The following KCNN2 variants were observed in gnomAD, a reference collection of about 807,000 sequenced individuals.
The protein encoded by KCNN2 is small conductance calcium-activated potassium channel protein 2.
Under a neutral mutation model 55.5 loss-of-function variants are expected in KCNN2, and 24 were observed. That is an observed-to-expected ratio of 0.43 (90% CI 0.31 to 0.61). The LOEUF is 0.61. KCNN2 is among the 20% of genes least tolerant of loss of function. The pLI, the probability that KCNN2 is intolerant of heterozygous loss-of-function variation, is 0.08. For synonymous variants in KCNN2, 431 were observed against 336.1 expected, an observed-to-expected ratio of 1.28 and a Z score of -3.09; for missense variants, 754 against 853.6, an observed-to-expected ratio of 0.88 and a Z score of 1.45.
chr5:114,290,498 A>T (rs964871642), intron 2 of KCNN2, among the ~76,000 whole-genome samples: 2 of 151,968 alleles, frequency 1.3e-5, no homozygotes, highest in African/African-American at 4.8e-5. Context: ...TTCTTAGTCT[A>T]GCTAAAGCTT....
chr5:114,347,906 C>A (rs1359310764), intron 2 of KCNN2, among the ~76,000 whole-genome samples: 1 of 152,160 alleles, frequency 6.6e-6, no homozygotes, highest in Non-Finnish European at 1.5e-5. Context: ...AAGAGAGCCT[C>A]TCACTCCCTT....
intron 2 of KCNN2, among the ~76,000 whole-genome samples, chr5:114,340,796 A>G (rs1019580616): frequency 2.6e-5 from 4 of 152,110 alleles, no homozygotes; most frequent in African/African-American, 9.7e-5. Context: ...GAAATTATTC[A>G]TCCTGCAAAC....
At chr5:114,388,143 G>A (rs1758342526) in intron 2 of KCNN2, among the ~76,000 whole-genome samples, 1 of 152,084 alleles carries the variant, frequency 6.6e-6, no homozygotes, top group Admixed American at 6.6e-5. Flanking sequence ...TGTTTTGGAT[G>A]TATAGTTTGG....
intron 3 of KCNN2, among the ~76,000 whole-genome samples, chr5:114,426,545 A>G (rs1484259774): frequency 1.3e-5 from 2 of 152,174 alleles, no homozygotes; most frequent in Non-Finnish European, 2.9e-5. Flanking sequence ...TTTTTAAAGT[A>G]TTTGTGAAGA....
At chr5:114,168,978 C>T (rs1752975753) in intron 1 of KCNN2, among the ~76,000 whole-genome samples, 1 of 152,040 alleles carries the variant, frequency 6.6e-6, no homozygotes, top group Non-Finnish European at 1.5e-5. Flanking sequence ...AGATTCTGCC[C>T]TTGCTGTTCT....
chr5:114,334,723 A>G (rs915747175), intron 2 of KCNN2, among the ~76,000 whole-genome samples: 2 of 152,110 alleles, frequency 1.3e-5, no homozygotes, highest in Admixed American at 1.3e-4. Context: ...CTGAACACTA[A>G]AGTACTAATA....
At chr5:114,221,155 C>T (rs1317090396) in intron 1 of KCNN2, among the ~76,000 whole-genome samples, 1 of 152,182 alleles carries the variant, frequency 6.6e-6, no homozygotes, top group Non-Finnish European at 1.5e-5. Context: ...GAGTGAGTGT[C>T]CCATGGCCTG....
At chr5:114,171,679 C>CTTTT (rs61254407) in intron 1 of KCNN2, among the ~76,000 whole-genome samples, 1 of 147,434 alleles carries the variant, frequency 6.8e-6, no homozygotes, top group Admixed American at 6.8e-5. Flanking sequence ...TTCTTATATG[C>CTTTT]TTTTTTTTTT....
intron 2 of KCNN2, among the ~76,000 whole-genome samples, chr5:114,309,291 TA>T (rs1444706191): frequency 6.6e-6 from 1 of 152,190 alleles, no homozygotes; most frequent in Non-Finnish European, 1.5e-5. Flanking sequence ...TCAAGGTCCG[TA>T]ACATAACTAG....
At chr5:114,262,210 A>G (rs1755123128) in intron 2 of KCNN2, among the ~76,000 whole-genome samples, 1 of 152,120 alleles carries the variant, frequency 6.6e-6, no homozygotes, top group South Asian at 2.1e-4. Context: ...TCATTGCAGC[A>G]ATTTAAAAAG....
At chr5:114,141,341 C>A (rs1752275349) in intron 1 of KCNN2, among the ~76,000 whole-genome samples, 1 of 152,020 alleles carries the variant, frequency 6.6e-6, no homozygotes, top group Non-Finnish European at 1.5e-5. Context: ...CATGTGTTCT[C>A]ATTGTTCAAT....
In KCNN2 at chr5:114,368,626, TA is replaced by T. The variant is rs1757673743; in HGVS notation, c.1218+4626del. On this transcript the variant is annotated intron_variant, in intron 2 of 7. Coordinates refer to ENST00000673685, the MANE Select transcript of KCNN2 (RefSeq NM_021614.4). Reference sequence around the variant, plus strand: ...TGCAGACCATGCAGAAAATACTGCATATAGTTTACTATTTTTATTAATAAAA... The same window carrying T: ...TGCAGACCATGCAGAAAATACTGCATTAGTTTACTATTTTTATTAATAAAA... 2.0e-5 allele frequency among the ~76,000 whole-genome samples: 3 copies of T among 152,334 alleles called. No individual in the cohort carries two copies. In the South Asian group the frequency reaches 6.2e-4, roughly 32 times the overall value.
intron 1 of KCNN2, among the ~76,000 whole-genome samples, chr5:114,167,135 T>C (rs976002555): frequency 6.6e-6 from 1 of 152,136 alleles, no homozygotes; most frequent in African/African-American, 2.4e-5. Flanking sequence ...TCTCCAGATA[T>C]GTGAGAGAGT....
At chr5:114,200,603 T>C (rs1055752905) in intron 1 of KCNN2, among the ~76,000 whole-genome samples, 1 of 152,198 alleles carries the variant, frequency 6.6e-6, no homozygotes, top group Non-Finnish European at 1.5e-5. Context: ...CATGTTTCTG[T>C]GAACTTATGT....
intron 2 of KCNN2, among the ~76,000 whole-genome samples, chr5:114,227,133 A>G (rs921915987): frequency 1.3e-5 from 2 of 152,152 alleles, no homozygotes; most frequent in African/African-American, 4.8e-5. Flanking sequence ...TTTTTCTAGT[A>G]TCTTACTTGG....
chr5:114,464,327 CAA>C (rs1297015213), intron 4 of KCNN2, among the ~76,000 whole-genome samples: 1 of 152,206 alleles, frequency 6.6e-6, no homozygotes, highest in Non-Finnish European at 1.5e-5. Context: ...TTGCTTACAG[CAA>C]AGAGTGTCAT....
At chr5:114,232,449 G>T (rs1440129569) in intron 2 of KCNN2, among the ~76,000 whole-genome samples, 1 of 150,912 alleles carries the variant, frequency 6.6e-6, no homozygotes, top group African/African-American at 2.5e-5. Flanking sequence ...AATATTTTAA[G>T]GTTTGCGTTT....
intron 3 of KCNN2, among the ~76,000 whole-genome samples, chr5:114,462,319 G>T (rs898354): frequency 0.74 from 113,142 of 152,106 alleles, 43,695 homozygotes; most frequent in East Asian, 0.92. Context: ...GAATGATTAG[G>T]ATACTTTGTA....
chr5:114,280,385 G>T (rs557370225), intron 2 of KCNN2, among the ~76,000 whole-genome samples: 114 of 152,218 alleles, frequency 7.5e-4, no homozygotes, highest in Non-Finnish European at 1.1e-3. Flanking sequence ...CATGCCTATG[G>T]CCTGAATGGT....
Sources: gnomAD v4.1 joint callset for allele counts (sites outside exome capture counted in the v4.1 genomes callset) on GRCh38, gnomAD v4.1.1 for gene constraint, MANE v1.5 for transcripts, NCBI Gene and HGNC (gene_info 2026-07-23, HGNC 2026-07-21) for gene names.